The following ESS2 variants were observed in gnomAD, a reference collection of about 807,000 sequenced individuals.
ESS2 encodes ess-2 spliceosome associated protein.
ESS2 carries 31 observed loss-of-function variants against 52.0 expected under a neutral mutation model. The observed-to-expected ratio is 0.60, with a 90% CI of 0.45 to 0.81. The LOEUF (loss-of-function observed/expected upper bound fraction) is 0.81. Among genes scored for constraint, ESS2 ranks in the 30% least tolerant of loss-of-function variants. ESS2 has a pLI of 0.00. For synonymous variants in ESS2, 285 were observed against 259.2 expected, an observed-to-expected ratio of 1.10 and a Z score of -0.95; for missense variants, 602 against 637.2, an observed-to-expected ratio of 0.94 and a Z score of 0.59.
In ESS2 at chr22:19,135,150, C is replaced by T. The variant is rs200861284; in HGVS notation, c.1061G>A (p.Arg354Gln). 3.7e-6 allele frequency: 6 copies of T among 1,613,750 alleles called. No individual in the cohort carries two copies. Among genetic ancestry groups the T allele is most frequent in the African/African-American group, 1.3e-5 (1 of 74,924 alleles). ...CTCGTTGGCCATCTTCAGACCCAGCCGCTCCCTGCGGCCTGGCTCCAGGAT... is the reference window on the plus strand; with the variant it reads ...CTCGTTGGCCATCTTCAGACCCAGCTGCTCCCTGCGGCCTGGCTCCAGGAT... ...FKILEPGRRE[R>Q]LGLKMANEAA... The change falls in exon 9 of 10, where the codon CGG (arginine) becomes CAG (glutamine). Residue 354 changes from arginine (R) to glutamine (Q), a missense_variant. Transcript: ENST00000252137.
At chr22:19,143,833 C>G (rs911815485) in intron 1 of ESS2, among the ~76,000 whole-genome samples, 2 of 152,204 alleles carry the variant, frequency 1.3e-5, no homozygotes, top group Non-Finnish European at 2.9e-5. Flanking sequence ...GCACTCCAGC[C>G]TGGACGACGA....
Position 19,132,543 on chromosome 22 carries a change from C to T in ESS2, c.*1653G>A, listed in dbSNP as rs1339369543. The T allele has an allele frequency of 1.9e-5, 28 of 1,472,396 alleles. No individual in the cohort carries two copies. The Admixed American group carries it at 4.6e-4, about 24-fold the overall frequency. 91.2% of individuals were successfully genotyped at this position (1,472,396 alleles called of 1,614,324 possible). On this transcript the variant is annotated 3_prime_UTR_variant, in exon 10 of 10. Transcript: ENST00000252137. This position sits in a 1 kb window ranked among gnomAD's most constrained non-coding sequence, Gnocchi z 4.2. ...GGGGGCATGGTGCAGTCGGCCTTCA[C>T]GTAAACTAAGTAGGCAGGTAGGATC...
Position 19,131,889 on chromosome 22 carries a change from G to T in ESS2, c.*2307C>A. 8.1e-6 allele frequency: 13 copies of T among 1,614,140 alleles called. No individual in the cohort carries two copies. The highest frequency in any genetic ancestry group is 1.1e-5 in the Non-Finnish European group (13 of 1,180,030). On this transcript the variant is annotated 3_prime_UTR_variant, in exon 10 of 10. Coordinates refer to ENST00000252137, the MANE Select transcript of ESS2 (RefSeq NM_022719.3). This position sits in a 1 kb window ranked among gnomAD's most constrained non-coding sequence, Gnocchi z 5.7. Reference sequence around the variant, plus strand: ...TGGCTTCTCCAAGCGCTGCCTGCGGGACAGCAATGGGCGCATCATCCTCAG... The same window carrying T: ...TGGCTTCTCCAAGCGCTGCCTGCGGTACAGCAATGGGCGCATCATCCTCAG...
At position 19,131,921 on chromosome 22, in the gene ESS2, C is replaced by T. The variant is rs759371117; in HGVS notation, c.*2275G>A. On this transcript the variant is annotated 3_prime_UTR_variant, in exon 10 of 10. Transcript: ENST00000252137. This position sits in a 1 kb window ranked among gnomAD's most constrained non-coding sequence, Gnocchi z 5.7. ...ATGGGCGCATCATCCTCAGCAAGAC[C>T]TTCTGCGGGTCGGCAGCATATGCAG... The T allele has an allele frequency of 1.6e-5, 26 of 1,614,114 alleles. No individual in the cohort carries two copies. In the Admixed American group the frequency reaches 4.3e-4, roughly 27 times the overall value.
chr22:19,138,216 AG>A lies in ESS2; in HGVS notation c.923del (p.Pro308LeufsTer3), dbSNP rs1472541822. 6.2e-7 allele frequency: 1 copy of A among 1,613,948 alleles called. No homozygotes were observed. The highest frequency in any genetic ancestry group is 1.1e-5 in the South Asian group (1 of 91,086). On this transcript the variant is annotated frameshift_variant and splice_region_variant, in exon 7 of 10. Transcript: ENST00000252137. LOFTEE classifies it high-confidence loss of function. ...FGFVATPSPA[P>X]GVNESPMMTW... ...CTTGCCAGTGGGCACTTTTCTCACC[AG>A]GGGCAGGGGAAGGAGTGGCAACAAA... is the stretch of plus-strand genomic sequence containing the variant.
At position 19,132,567 on chromosome 22, in the gene ESS2, T is replaced by G. The variant is rs2083521470; in HGVS notation, c.*1629A>C. ...ACGTAAACTAAGTAGGCAGGTAGGATCTGAAGAAGGCACAGGTGCAAGTAA... is the reference window on the plus strand; with the variant it reads ...ACGTAAACTAAGTAGGCAGGTAGGAGCTGAAGAAGGCACAGGTGCAAGTAA... On this transcript the variant is annotated 3_prime_UTR_variant, in exon 10 of 10. Transcript: ENST00000252137. The surrounding 1 kb of genome is among the most constrained non-coding windows in gnomAD (Gnocchi z 4.2). 1.1e-5 allele frequency: 14 copies of G among 1,311,338 alleles called. No homozygotes were observed. Among genetic ancestry groups the G allele is most frequent in the Non-Finnish European group, 1.2e-5 (11 of 945,694 alleles). 81.2% of individuals were successfully genotyped at this position (1,311,338 alleles called of 1,614,324 possible). A position where few individuals can be genotyped will look rare whatever the true frequency, so the allele number is the denominator to read the frequency against.
Position 19,144,629 on chromosome 22 carries a change from C to A in ESS2, c.12G>T (p.Pro4=). 1 of 1,529,110 alleles carries A rather than the reference C, an allele frequency of 6.5e-7. No homozygotes were observed. 94.7% of individuals were successfully genotyped at this position (1,529,110 alleles called of 1,614,324 possible). MET[P]GASASSLLLP... ...GCAACAAGGACGACGCTGATGCGCC[C>A]GGCGTCTCCATCGCTATCCCAGGAA... Residue 4 remains proline, a synonymous_variant, in exon 1 of 10, where the codon CCG becomes CCT. Transcript: ENST00000252137.
chr22:19,137,204 G>A, intron 8 of ESS2, 119 bp downstream of exon 8: 1 of 718,392 alleles, frequency 1.4e-6, no homozygotes, highest in East Asian at 2.8e-5. Context: ...AGAAAAGCCA[G>A]CACTCTGCCC....
chr22:19,139,905 T>C lies in ESS2; in HGVS notation c.520A>G (p.Ser174Gly). 6.2e-7 allele frequency: 1 copy of C among 1,614,138 alleles called. No homozygotes were observed. Among genetic ancestry groups the C allele is most frequent in the Non-Finnish European group, 8.5e-7 (1 of 1,180,022 alleles). The change falls in exon 4 of 10, where the codon AGC (serine) becomes GGC (glycine). Residue 174 changes from serine to glycine, a missense_variant. Coordinates refer to ENST00000252137, the MANE Select transcript of ESS2 (RefSeq NM_022719.3). ...QEIMEVAKER[S>G]RARHAWLYQA... Reference sequence around the variant, plus strand: ...TAGAGCCAAGCGTGGCGTGCCCGGCTTCTCTCCTTGGCCACCTCCATGATC... The same window carrying C: ...TAGAGCCAAGCGTGGCGTGCCCGGCCTCTCTCCTTGGCCACCTCCATGATC...
At chr22:19,142,934 C>T (rs775688049) in intron 1 of ESS2, 40 bp from the exon 2 acceptor site, 17 of 1,582,412 alleles carry the variant, frequency 1.1e-5, no homozygotes, top group East Asian at 2.2e-5. Flanking sequence ...AGGCCAGGCG[C>T]GGTGGCTCAC....
In ESS2 at chr22:19,139,170, G is replaced by C. The variant is rs770800622; in HGVS notation, c.811C>G (p.Leu271Val). ...ACCCGCCTGCTCACCTGGGCATTGA[G>C]GGCGGCTGCCTGCTGGAGCTGGCAC... ...SRCQLQQAAA[L>V]NAQHKQGKVG... Residue 271 changes from leucine to valine, a missense_variant, in exon 6 of 10, where the codon CTC (leucine) becomes GTC (valine). Physicochemically the swap from Leu to Val is conservative, Grantham distance 32. Coordinates refer to ENST00000252137, the MANE Select transcript of ESS2 (RefSeq NM_022719.3). The C allele has an allele frequency of 2.5e-6, 4 of 1,597,964 alleles. No individual in the cohort carries two copies. Among genetic ancestry groups the C allele is most frequent in the Non-Finnish European group, 3.4e-6 (4 of 1,171,990 alleles).
rs1569102854 is a variant in ESS2, at chr22:19,132,011, G to A, written c.*2185C>T. ...TGTATGACATCTGGAGCCTGGGCGT[G>A]ATCCTGTACATCATGGTCTGCGGCT... On this transcript the variant is annotated 3_prime_UTR_variant, in exon 10 of 10. Transcript: ENST00000252137. This position sits in a 1 kb window ranked among gnomAD's most constrained non-coding sequence, Gnocchi z 4.2. 2 of 1,614,152 alleles carry A rather than the reference G, an allele frequency of 1.2e-6. No individual in the cohort carries two copies. The highest frequency in any genetic ancestry group is 4.5e-5 in the East Asian group (2 of 44,886).
chr22:19,134,784 A>T (rs560261130), intron 9 of ESS2, among the ~76,000 whole-genome samples: 32 of 152,248 alleles, frequency 2.1e-4, no homozygotes, highest in Non-Finnish European at 3.7e-4. Flanking sequence ...CACAGGGCTG[A>T]TGAAAGCTCC....
At chr22:19,138,129 C>T (rs1601352842) in intron 7 of ESS2, 86 bp downstream of exon 7, 1 of 1,590,804 alleles carries the variant, frequency 6.3e-7, no homozygotes, top group Non-Finnish European at 8.6e-7. Flanking sequence ...AGGTAGAGGC[C>T]AGGAGTGGCC....
Position 19,142,754 on chromosome 22 carries a change from G to T in ESS2, c.276C>A (p.Gly92=). Residue 92 remains glycine (G), a synonymous_variant, in exon 2 of 10, where the codon GGC becomes GGA. Coordinates refer to ENST00000252137, the MANE Select transcript of ESS2 (RefSeq NM_022719.3). ...QIAIKFGSAL[G]KMSREPPPPY... is the part of the protein sequence containing the mutation. The stretch of plus-strand genomic sequence containing the variant: ...GTGGCGGGGGCTCCCGGGACATCTT[G>T]CCCAAGGCAGAGCCAAACTTGATGG... 1.2e-6 allele frequency: 2 copies of T among 1,614,140 alleles called. No individual in the cohort carries two copies. The highest frequency in any genetic ancestry group is 1.7e-6 in the Non-Finnish European group (2 of 1,180,016).
rs2083521963 is a variant in ESS2, at chr22:19,132,602, A to G, written c.*1594T>C. 1.1e-6 allele frequency: 1 copy of G among 924,060 alleles called. No homozygotes were observed. The highest frequency in any genetic ancestry group is 1.7e-6 in the Non-Finnish European group (1 of 596,586). The allele number at this position is 924,060 out of a possible 1,614,324, so 57.2% of individuals were successfully genotyped here. A position where few individuals can be genotyped will look rare whatever the true frequency, so the allele number is the denominator to read the frequency against. On this transcript the variant is annotated 3_prime_UTR_variant, in exon 10 of 10. Coordinates refer to ENST00000252137, the MANE Select transcript of ESS2 (RefSeq NM_022719.3). This position sits in a 1 kb window ranked among gnomAD's most constrained non-coding sequence, Gnocchi z 4.2. ...GCACAGGTGCAAGTAAAATTCGTCA[A>G]TTAAACCACTATTTTGATTACGTTC...
At chr22:19,137,889 C>A in intron 7 of ESS2, 1 of 985,414 alleles carries the variant, frequency 1.0e-6, no homozygotes, top group African/African-American at 1.7e-5. Flanking sequence ...CTGGGCCTCC[C>A]TCCCTGCAGT....
rs2083520262 is a variant in ESS2 at position 19,132,490 on chromosome 22, C to T, written c.*1706G>A. 6 of 1,593,020 alleles carry T rather than the reference C, an allele frequency of 3.8e-6. No homozygotes were observed. The highest frequency in any genetic ancestry group is 4.3e-6 in the Non-Finnish European group (5 of 1,167,516). ...GCAAGCACCTAGCATGACAATGGCC[C>T]CGTTGTGTGTGGTGGGGGTCGGGGT... On this transcript the variant is annotated 3_prime_UTR_variant, in exon 10 of 10. Coordinates refer to ENST00000252137, the MANE Select transcript of ESS2 (RefSeq NM_022719.3). The surrounding 1 kb of genome is among the most constrained non-coding windows in gnomAD (Gnocchi z 4.2).
At position 19,142,553 on chromosome 22, in the gene ESS2, G is replaced by T. The variant is rs765680928; in HGVS notation, c.385C>A (p.Arg129=). The change falls in exon 3 of 10, where the codon CGA becomes AGA. Residue 129 remains arginine (R), a synonymous_variant. Transcript: ENST00000252137. ...VVGNKPRPRG[R]GLEDGEAGEE... is the part of the protein sequence containing the mutation. ...CCTCACTCACCATCCTCCAGGCCTC[G>T]GCCGCGGGGCCTGGGCTTGTTGCCC... 1.2e-6 allele frequency: 2 copies of T among 1,607,906 alleles called. No individual in the cohort carries two copies. Among genetic ancestry groups the T allele is most frequent in the South Asian group, 2.2e-5 (2 of 90,264 alleles).
Sources: allele counts gnomAD v4.1 joint callset (sites outside exome capture counted in the v4.1 genomes callset), GRCh38; gene constraint gnomAD v4.1.1; non-coding constraint Gnocchi (gnomAD v3.1); transcripts MANE v1.5; gene names NCBI Gene and HGNC (gene_info 2026-07-23, HGNC 2026-07-21).